SH3GL2: variants seen among roughly 807,000 people sequenced by gnomAD.
SH3GL2 encodes SH3 domain containing GRB2 like 2, endophilin A1.
Under a neutral mutation model 46.0 loss-of-function variants are expected in SH3GL2, and 24 were observed. The ratio of observed to expected loss-of-function variants is 0.52; its 90% CI spans 0.38 to 0.73. SH3GL2 has a LOEUF of 0.73. Among genes scored for constraint, SH3GL2 ranks in the 30% least tolerant of loss-of-function variants. The pLI is 0.00. For missense variants in SH3GL2, 413 were observed against 424.2 expected, an observed-to-expected ratio of 0.97 and a Z score of 0.23; for synonymous variants, 196 against 147.1, an observed-to-expected ratio of 1.33 and a Z score of -2.40.
chr9:17,686,333 T>C (rs1417795704), intron 1 of SH3GL2, among the ~76,000 whole-genome samples: 5 of 135,428 alleles, frequency 3.7e-5, no homozygotes, highest in African/African-American at 1.5e-4. Context: ...ACTTTTACAC[T>C]GTTGGTGGGA....
intron 1 of SH3GL2, among the ~76,000 whole-genome samples, chr9:17,618,793 T>TTGTGTGTGTGTGTGTGTGTG (rs149930816): frequency 1.9e-4 from 28 of 149,594 alleles, no homozygotes; most frequent in African/African-American, 6.9e-4. Flanking sequence ...TTGGCTTATT[T>TTGTGTGTGTGTGTGTGTGTG]TGTGTGTGTG....
chr9:17,618,487 T>C (rs896143718), intron 1 of SH3GL2, among the ~76,000 whole-genome samples: 2 of 152,154 alleles, frequency 1.3e-5, no homozygotes, highest in African/African-American at 4.8e-5. Context: ...TATTCATAGT[T>C]TGGAAATTTA....
chr9:17,605,024 G>A (rs960050167), intron 1 of SH3GL2, among the ~76,000 whole-genome samples: 48 of 150,646 alleles, frequency 3.2e-4, no homozygotes, highest in Non-Finnish European at 6.0e-4. Context: ...CCAGACTGGA[G>A]TGCAGGGGGA....
intron 1 of SH3GL2, among the ~76,000 whole-genome samples, chr9:17,737,261 T>A (rs1822366361): frequency 6.6e-6 from 1 of 152,044 alleles, no homozygotes; most frequent in Admixed American, 6.6e-5. Flanking sequence ...AGATGACAGG[T>A]TGATGGGTGC....
intron 1 of SH3GL2, among the ~76,000 whole-genome samples, chr9:17,701,718 A>T (rs962161235): frequency 4.6e-5 from 7 of 152,120 alleles, no homozygotes; most frequent in African/African-American, 1.4e-4. Flanking sequence ...GTAGCATTAA[A>T]CAAAGATAAA....
chr9:17,636,349 T>G (rs1819543442), intron 1 of SH3GL2, among the ~76,000 whole-genome samples: 1 of 152,174 alleles, frequency 6.6e-6, no homozygotes, highest in Non-Finnish European at 1.5e-5. Flanking sequence ...GTCTGGAATT[T>G]CCAACATTTA....
chr9:17,589,279 C>T (rs991453997), intron 1 of SH3GL2: 1 of 152,240 alleles, frequency 6.6e-6, no homozygotes, highest in South Asian at 2.1e-4. Flanking sequence ...AATCCTCCCA[C>T]CTCAGCCTCC....
At chr9:17,710,007 G>C (rs1298284278) in intron 1 of SH3GL2, among the ~76,000 whole-genome samples, 6 of 151,940 alleles carry the variant, frequency 3.9e-5, no homozygotes, top group African/African-American at 1.2e-4. Flanking sequence ...AGAGGAAGGA[G>C]TGGTCCTTAT....
intron 1 of SH3GL2, among the ~76,000 whole-genome samples, chr9:17,599,649 A>G (rs1555421): frequency 1 from 152,236 of 152,308 alleles, 76,082 homozygotes; most frequent in Middle Eastern, 1. Context: ...CTACATTCAC[A>G]TGGAAACCTT....
chr9:17,687,429 TG>T (rs1468260417), intron 1 of SH3GL2, among the ~76,000 whole-genome samples: 2 of 145,212 alleles, frequency 1.4e-5, no homozygotes, highest in African/African-American at 5.2e-5. Context: ...GTATGCTGAA[TG>T]GTAACACTGA....
chr9:17,590,379 A>G (rs1368641791), intron 1 of SH3GL2: 2 of 152,156 alleles, frequency 1.3e-5, no homozygotes, highest in Non-Finnish European at 2.9e-5. Context: ...GATTAATATT[A>G]ATAGCCTGTT....
At chr9:17,638,660 C>T (rs546006664) in intron 1 of SH3GL2, among the ~76,000 whole-genome samples, 1 of 152,340 alleles carries the variant, frequency 6.6e-6, no homozygotes, top group African/African-American at 2.4e-5. Context: ...ACAAGGACTT[C>T]TTGCCTTGTG....
At chr9:17,734,316 A>T (rs1001065500) in intron 1 of SH3GL2, among the ~76,000 whole-genome samples, 2 of 152,110 alleles carry the variant, frequency 1.3e-5, no homozygotes, top group Non-Finnish European at 2.9e-5. Context: ...TTTTCATGTG[A>T]TGTCACCTTG....
At chr9:17,637,197 T>C (rs1819561459) in intron 1 of SH3GL2, among the ~76,000 whole-genome samples, 1 of 152,198 alleles carries the variant, frequency 6.6e-6, no homozygotes, top group Non-Finnish European at 1.5e-5. Flanking sequence ...CGGTATGATG[T>C]ATTTCAGCCC....
intron 1 of SH3GL2, among the ~76,000 whole-genome samples, chr9:17,623,931 A>T (rs1276497855): frequency 6.6e-6 from 1 of 152,238 alleles, no homozygotes; most frequent in Non-Finnish European, 1.5e-5. Flanking sequence ...TTATATTCCA[A>T]TTAACAAGTT....
chr9:17,653,873 A>G (rs1820009260), intron 1 of SH3GL2: 2 of 981,402 alleles, frequency 2.0e-6, no homozygotes, highest in South Asian at 4.7e-5. Context: ...CAAGGGGCTG[A>G]TGCAGAAGGT....
chr9:17,586,901 A>G (rs1168925422), intron 1 of SH3GL2, among the ~76,000 whole-genome samples: 4 of 152,246 alleles, frequency 2.6e-5, no homozygotes, highest in Non-Finnish European at 2.9e-5. Context: ...CAGATAGCCT[A>G]TGCTTTTAAA....
At position 17,767,356 on chromosome 9, in the gene SH3GL2, C is replaced by A. The variant is rs1036231129; in HGVS notation, c.187+5847C>A. On this transcript the variant is annotated intron_variant, in intron 3 of 8. Transcript: ENST00000380607. ...ATTAGTTTCAAAATGTACCATTAGT[C>A]CCTGGAAAGATACTCTATTAAAATT... 2.0e-5 allele frequency among the ~76,000 whole-genome samples: 3 copies of A among 152,118 alleles called. No homozygotes were observed. The East Asian group carries it at 5.8e-4, about 29-fold the overall frequency.
chr9:17,772,923 T>C (rs1035402968), intron 3 of SH3GL2, among the ~76,000 whole-genome samples: 1 of 152,194 alleles, frequency 6.6e-6, no homozygotes, highest in Non-Finnish European at 1.5e-5. Flanking sequence ...CACTGTGCTC[T>C]CTTCCACAGC....
Sources: allele counts gnomAD v4.1 joint callset (sites outside exome capture counted in the v4.1 genomes callset), GRCh38; gene constraint gnomAD v4.1.1; transcripts MANE v1.5; gene names NCBI Gene and HGNC (gene_info 2026-07-23, HGNC 2026-07-21).